The following PRKN variants were observed in gnomAD, a reference collection of about 807,000 sequenced individuals.
The protein encoded by PRKN is parkin RBR E3 ubiquitin protein ligase, also known as E3 ubiquitin-protein ligase parkin.
In PRKN, 56 loss-of-function variants were observed where a neutral mutation model predicts 59.5. The observed-to-expected ratio is 0.94, with a 90% CI of 0.76 to 1.18. The LOEUF is 1.18. Among genes scored for constraint, PRKN ranks in the 50% most tolerant of loss-of-function variants. The pLI is 0.00. For missense variants in PRKN, 657 were observed against 596.4 expected, an observed-to-expected ratio of 1.10 and a Z score of -1.06; for synonymous variants, 250 against 222.1, an observed-to-expected ratio of 1.13 and a Z score of -1.12.
At chr6:162,039,426 A>C (rs899164470) in intron 5 of PRKN, among the ~76,000 whole-genome samples, 63 of 152,256 alleles carry the variant, frequency 4.1e-4, no homozygotes, top group African/African-American at 1.5e-3. Flanking sequence ...TGAATGGCTT[A>C]GTGCCATTCT....
chr6:162,105,898 T>G (rs143444985), intron 4 of PRKN, among the ~76,000 whole-genome samples: 1 of 152,300 alleles, frequency 6.6e-6, no homozygotes, highest in Non-Finnish European at 1.5e-5. Flanking sequence ...TATTAATGAT[T>G]AGTACAGGCT....
chr6:161,350,568 T>TTATATTTAAAATATATAAATATATTTTTA (rs1295237914), intron 11 of PRKN, among the ~76,000 whole-genome samples: 4 of 140,516 alleles, frequency 2.8e-5, no homozygotes, highest in Non-Finnish European at 4.5e-5. Context: ...ATTAATATAT[T>TTATATTTAAAATATATAAATATATTTTTA]TATATTTAAA....
chr6:161,637,701 C>T (rs1783577188), intron 7 of PRKN, among the ~76,000 whole-genome samples: 2 of 104,708 alleles, frequency 1.9e-5, no homozygotes, highest in Admixed American at 8.1e-5. Flanking sequence ...GACTCATTTG[C>T]CTTTTATCCT....
At chr6:161,482,359 T>C (rs1791441877) in intron 9 of PRKN, among the ~76,000 whole-genome samples, 1 of 152,190 alleles carries the variant, frequency 6.6e-6, no homozygotes, top group African/African-American at 2.4e-5. Flanking sequence ...TAGGTTCTGT[T>C]AGGATCAAAA....
intron 9 of PRKN, among the ~76,000 whole-genome samples, chr6:161,495,159 A>G (rs1365629112): frequency 6.6e-6 from 1 of 152,148 alleles, no homozygotes; most frequent in Non-Finnish European, 1.5e-5. Flanking sequence ...ATATTCTTCT[A>G]TGGTATTAAG....
chr6:162,293,936 C>G (rs7341306), intron 2 of PRKN, among the ~76,000 whole-genome samples: 1 of 152,094 alleles, frequency 6.6e-6, no homozygotes, highest in Non-Finnish European at 1.5e-5. Flanking sequence ...CCTCGGCCTC[C>G]GAAAGTGCTG....
At chr6:161,469,742 C>A (rs1359820506) in intron 9 of PRKN, among the ~76,000 whole-genome samples, 6 of 152,078 alleles carry the variant, frequency 3.9e-5, no homozygotes, top group African/African-American at 1.4e-4. Context: ...TGCAGCCCTG[C>A]GACACCTTAA....
intron 7 of PRKN, among the ~76,000 whole-genome samples, chr6:161,589,285 C>T (rs1343051939): frequency 9.9e-5 from 15 of 152,162 alleles, no homozygotes. Flanking sequence ...CAGGGTGGGT[C>T]ACACCTGAGA....
intron 1 of PRKN, among the ~76,000 whole-genome samples, chr6:162,527,578 T>C (rs1474804017): frequency 6.6e-6 from 1 of 152,192 alleles, no homozygotes; most frequent in Non-Finnish European, 1.5e-5. Context: ...GTTTACTAAC[T>C]GGGTCACGTA....
intron 7 of PRKN, among the ~76,000 whole-genome samples, chr6:161,740,914 G>T (rs1359101535): frequency 6.6e-6 from 1 of 152,206 alleles, no homozygotes. Flanking sequence ...CTTTCCCTAT[G>T]CACAAAATTG....
At chr6:161,815,401 G>C (rs187930768) in intron 6 of PRKN, among the ~76,000 whole-genome samples, 9 of 152,292 alleles carry the variant, frequency 5.9e-5, no homozygotes, top group Non-Finnish European at 1.2e-4. Context: ...TTTGTGGGCT[G>C]ATTATAGGTT....
intron 1 of PRKN, among the ~76,000 whole-genome samples, chr6:162,677,702 C>T (rs1779608382): frequency 6.6e-6 from 1 of 152,128 alleles, no homozygotes; most frequent in African/African-American, 2.4e-5. Flanking sequence ...AGCTGACCCA[C>T]GTTTGTATAA....
chr6:162,334,570 T>C (rs1783746407), intron 2 of PRKN, among the ~76,000 whole-genome samples: 2 of 152,194 alleles, frequency 1.3e-5, no homozygotes, highest in South Asian at 2.1e-4. Flanking sequence ...ATACAACTGG[T>C]CACCCGAAAG....
At chr6:161,685,239 T>C (rs1200365298) in intron 7 of PRKN, among the ~76,000 whole-genome samples, 1 of 152,208 alleles carries the variant, frequency 6.6e-6, no homozygotes, top group Non-Finnish European at 1.5e-5. Context: ...ATGATCTGCA[T>C]AGAAAGGATT....
intron 6 of PRKN, among the ~76,000 whole-genome samples, chr6:161,903,781 G>A (rs913604564): frequency 4.0e-5 from 6 of 149,622 alleles, no homozygotes; most frequent in Non-Finnish European, 8.9e-5. Context: ...GGAACACAGA[G>A]AACTTTCTTT....
rs887241732 is a variant in PRKN at position 161,410,748 on chromosome 6, C to T, written c.1084-23871G>A. 1.3e-5 allele frequency among the ~76,000 whole-genome samples: 2 copies of T among 152,136 alleles called. No homozygotes were observed. The highest frequency in any genetic ancestry group is 2.4e-5 in the African/African-American group (1 of 41,426). The stretch of plus-strand genomic sequence containing the variant: ...AGGGGCAACAGTGCCATGGGAAATG[C>T]ATCATTGGTGCTCATGACAACGGCA... On this transcript the variant is annotated intron_variant, in intron 9 of 11. Transcript: ENST00000366898. The surrounding 1 kb of genome is among the most constrained non-coding windows in gnomAD (Gnocchi z 5.3).
intron 1 of PRKN, among the ~76,000 whole-genome samples, chr6:162,644,789 G>A (rs1778100013): frequency 6.6e-6 from 1 of 152,132 alleles, no homozygotes; most frequent in Admixed American, 6.6e-5. Flanking sequence ...ACGGTATACT[G>A]CAAAGAATAT....
intron 1 of PRKN, among the ~76,000 whole-genome samples, chr6:162,690,537 T>C (rs898854064): frequency 6.6e-6 from 1 of 152,182 alleles, no homozygotes; most frequent in Non-Finnish European, 1.5e-5. Flanking sequence ...TCACTACATA[T>C]ACTATACCTC....
At chr6:162,725,475 T>G (rs188366330) in intron 1 of PRKN, among the ~76,000 whole-genome samples, 1 of 152,266 alleles carries the variant, frequency 6.6e-6, no homozygotes, top group African/African-American at 2.4e-5. Context: ...ATGTGGCTAA[T>G]GAGGCTGGGC....
Sources: gnomAD v4.1 joint callset for allele counts (sites outside exome capture counted in the v4.1 genomes callset) on GRCh38, gnomAD v4.1.1 for gene constraint, Gnocchi (gnomAD v3.1) non-coding constraint, MANE v1.5 for transcripts, NCBI Gene and HGNC (gene_info 2026-07-23, HGNC 2026-07-21) for gene names.